Variants in GRM7 observed in about 807,000 individuals in gnomAD.
GRM7 encodes the protein metabotropic glutamate receptor 7.
GRM7 carries 35 observed loss-of-function variants against 84.5 expected under a neutral mutation model. The observed-to-expected ratio is 0.41, with a 90% CI of 0.32 to 0.55. The LOEUF is 0.55. Ranked by LOEUF, GRM7 falls within the 20% of genes least tolerant of loss-of-function variation. The pLI is 0.19. For missense variants in GRM7, 1,003 were observed against 1,194.6 expected (o/e 0.84, Z 2.36); for synonymous variants, 487 against 455.1 (o/e 1.07, Z -0.89).
intron 1 of GRM7, among the ~76,000 whole-genome samples, chr3:7,136,977 G>T (rs1053932369): frequency 6.6e-6 from 1 of 152,104 alleles, no homozygotes; most frequent in Non-Finnish European, 1.5e-5. Context: ...TAAATTCACT[G>T]TGCTTTCTGG....
chr3:6,914,232 A>G (rs967241282), intron 1 of GRM7, among the ~76,000 whole-genome samples: 2 of 152,218 alleles, frequency 1.3e-5, no homozygotes, highest in Admixed American at 6.5e-5. Context: ...AGTTGCTTCA[A>G]TGAAGTTCTT....
At chr3:7,025,026 C>A (rs1695927094) in intron 1 of GRM7, among the ~76,000 whole-genome samples, 1 of 152,170 alleles carries the variant, frequency 6.6e-6, no homozygotes, top group Admixed American at 6.5e-5. Flanking sequence ...TGTTTTCTTG[C>A]CCTTTTCAAG....
intron 9 of GRM7, among the ~76,000 whole-genome samples, chr3:7,705,164 C>T (rs1361224511): frequency 6.6e-6 from 1 of 152,108 alleles, no homozygotes; most frequent in Admixed American, 6.5e-5. Flanking sequence ...AACTCTCCTA[C>T]CCATGTCATC....
At chr3:7,725,214 G>C (rs1474479549) in intron 9 of GRM7, among the ~76,000 whole-genome samples, 1 of 152,234 alleles carries the variant, frequency 6.6e-6, no homozygotes. Context: ...TTCACAGAGG[G>C]GATGAAGGAG....
intron 8 of GRM7, among the ~76,000 whole-genome samples, chr3:7,674,202 T>A (rs1159368779): frequency 6.6e-6 from 1 of 152,106 alleles, no homozygotes; most frequent in East Asian, 1.9e-4. Flanking sequence ...TTTTCTTTTT[T>A]TTTTTTGAGA....
At chr3:7,331,896 G>A (rs75380874) in intron 4 of GRM7, among the ~76,000 whole-genome samples, 3 of 152,152 alleles carry the variant, frequency 2.0e-5, no homozygotes, top group African/African-American at 4.8e-5. Context: ...GTTTGACACT[G>A]AGAAGTAGCA....
At chr3:7,623,227 G>A (rs1056870246) in intron 8 of GRM7, among the ~76,000 whole-genome samples, 18 of 152,136 alleles carry the variant, frequency 1.2e-4, no homozygotes, top group Non-Finnish European at 2.2e-4. Context: ...ATTAAAGAGG[G>A]ATGGAGACTG....
At chr3:6,902,060 A>G (rs1194436950) in intron 1 of GRM7, among the ~76,000 whole-genome samples, 1 of 152,208 alleles carries the variant, frequency 6.6e-6, no homozygotes, top group Non-Finnish European at 1.5e-5. Flanking sequence ...TAATTTTTAT[A>G]TGAAAAGACA....
At chr3:7,285,882 G>A (rs1267978214) in intron 2 of GRM7, among the ~76,000 whole-genome samples, 1 of 152,086 alleles carries the variant, frequency 6.6e-6, no homozygotes, top group African/African-American at 2.4e-5. Context: ...TGATTTTAAT[G>A]TGAGTGGATA....
chr3:7,440,672 C>A (rs1464616421), intron 5 of GRM7, among the ~76,000 whole-genome samples: 1 of 152,078 alleles, frequency 6.6e-6, no homozygotes, highest in East Asian at 1.9e-4. Context: ...TAGGCCCCAG[C>A]CTCTATTGTC....
At chr3:6,874,518 T>C (rs955441131) in intron 1 of GRM7, among the ~76,000 whole-genome samples, 99 of 152,308 alleles carry the variant, frequency 6.5e-4, no homozygotes, top group African/African-American at 2.3e-3. Flanking sequence ...TCCCTATATA[T>C]GGATTACATC....
chr3:7,568,925 C>G (rs924396495), intron 7 of GRM7, among the ~76,000 whole-genome samples: 1 of 152,120 alleles, frequency 6.6e-6, no homozygotes, highest in Non-Finnish European at 1.5e-5. Flanking sequence ...GAGCGCCGCC[C>G]CCTGCTCCAC....
In GRM7 at chr3:6,958,634, C is replaced by T. The variant is rs17046466; in HGVS notation, c.519+96727C>T. On this transcript the variant is annotated intron_variant, in intron 1 of 9. Coordinates refer to ENST00000357716, the MANE Select transcript of GRM7 (RefSeq NM_000844.4). ...GACGGTGGTCTAGACCTTACATAAC[C>T]GATGTCTGACATGTATCTGAGAGTT... 9.0e-3 allele frequency among the ~76,000 whole-genome samples: 1,367 copies of T among 152,032 alleles called. 20 individuals carry two copies. The highest frequency in any genetic ancestry group is 0.031 in the African/African-American group (1,300 of 41,476).
intron 2 of GRM7, among the ~76,000 whole-genome samples, chr3:7,183,446 G>A (rs1695411696): frequency 6.6e-6 from 1 of 152,070 alleles, no homozygotes; most frequent in Non-Finnish European, 1.5e-5. Context: ...GGCTAATGTG[G>A]TGAAACCCCG....
intron 4 of GRM7, among the ~76,000 whole-genome samples, chr3:7,380,037 G>A (rs984097471): frequency 1.8e-4 from 27 of 152,096 alleles, no homozygotes; most frequent in African/African-American, 4.1e-4. Flanking sequence ...ACTCCATTTC[G>A]AAATGATATT....
intron 7 of GRM7, among the ~76,000 whole-genome samples, chr3:7,554,361 G>A (rs993178199): frequency 2.6e-5 from 4 of 152,054 alleles, no homozygotes; most frequent in East Asian, 3.9e-4. Context: ...AACAAATATC[G>A]CTACACGGGC....
chr3:6,949,214 T>A (rs923043133), intron 1 of GRM7, among the ~76,000 whole-genome samples: 1 of 152,230 alleles, frequency 6.6e-6, no homozygotes, highest in Non-Finnish European at 1.5e-5. Context: ...TTTCCATGTT[T>A]AATGCTTCCT....
chr3:7,304,586 G>C (rs1442688214), intron 3 of GRM7, among the ~76,000 whole-genome samples: 1 of 151,560 alleles, frequency 6.6e-6, no homozygotes, highest in African/African-American at 2.4e-5. Context: ...ATGTTAGCTG[G>C]ATATAGGTCT....
chr3:7,456,542 A>G (rs1698020310), intron 6 of GRM7, among the ~76,000 whole-genome samples: 1 of 151,808 alleles, frequency 6.6e-6, no homozygotes, highest in South Asian at 2.1e-4. Flanking sequence ...ATGATGTTAT[A>G]CTTGAGACAC....
Sources: allele counts gnomAD v4.1 joint callset (sites outside exome capture counted in the v4.1 genomes callset), GRCh38; gene constraint gnomAD v4.1.1; transcripts MANE v1.5; gene names NCBI Gene and HGNC (gene_info 2026-07-23, HGNC 2026-07-21).